Variants in MAZ observed in about 807,000 individuals in gnomAD.
The protein encoded by MAZ is myc-associated zinc finger protein.
Under a neutral mutation model 32.7 loss-of-function variants are expected in MAZ, and 4 were observed. That is an observed-to-expected ratio of 0.12 (90% CI 0.06 to 0.28). The LOEUF (loss-of-function observed/expected upper bound fraction) is 0.28, where lower values mean the gene tolerates loss of function less well. Among genes scored for constraint, MAZ ranks in the 10% least tolerant of loss-of-function variants. MAZ has a pLI of 1.00. For synonymous variants in MAZ, 510 were observed against 297.6 expected, an observed-to-expected ratio of 1.71 and a Z score of -7.35; for missense variants, 763 against 667.2, an observed-to-expected ratio of 1.14 and a Z score of -1.58.
In MAZ at chr16:29,810,099, G is replaced by GGCAGCGGCA; in HGVS notation, c.1304_1305insAGCGGCAGC (p.Ala446_Ala448dup). The GGCAGCGGCA allele has an allele frequency of 6.2e-7, 1 of 1,609,656 alleles. No individual in the cohort carries two copies. Among genetic ancestry groups the GGCAGCGGCA allele is most frequent in the Non-Finnish European group, 8.5e-7 (1 of 1,177,772 alleles). On this transcript the variant is annotated inframe_insertion, in exon 5 of 5. Transcript: ENST00000322945. ...CAGGTACTGGTGAGGTTTGTCCAAT[G>GGCAGCGGCA]GCGGCGGCAGCGGCAGCGGCGGCAG...
chr16:29,808,135 G>A, intron 2 of MAZ, 95 bp from the exon 3 acceptor site: 1 of 1,166,844 alleles, frequency 8.6e-7, no homozygotes, highest in Non-Finnish European at 1.3e-6. Context: ...GGCTCCGGGA[G>A]GAGGCGCAGG....
upstream of MAZ, chr16:29,806,236 C>A (rs1359122545): frequency 3.9e-6 from 1 of 258,736 alleles, no homozygotes; most frequent in Non-Finnish European, 6.5e-6. Flanking sequence ...TCCTGCCCGC[C>A]CTCCCTCCCG....
rs202004015 is a variant in MAZ, at chr16:29,807,655, C to T, written c.870C>T (p.Asp290=). 553 of 1,612,874 alleles carry T rather than the reference C, an allele frequency of 3.4e-4. 3 individuals carry two copies. The African/African-American group carries it at 4.4e-3, about 13-fold the overall frequency. Residue 290 remains aspartate (D), a synonymous_variant, in exon 2 of 5, where the codon GAC becomes GAT. Transcript: ENST00000322945. ...ACEMCGKAFR[D]VYHLNRHKLS... ...AGATGTGTGGCAAGGCCTTCCGCGACGTCTACCACCTGAACCGACACAAGC... is the reference window on the plus strand; with the variant it reads ...AGATGTGTGGCAAGGCCTTCCGCGATGTCTACCACCTGAACCGACACAAGC...
At position 29,810,247 on chromosome 16, in the gene MAZ, C is replaced by CG; in HGVS notation, c.*21dup. The CG allele has an allele frequency of 6.4e-7, 1 of 1,572,374 alleles. No individual in the cohort carries two copies. Among genetic ancestry groups the CG allele is most frequent in the Non-Finnish European group, 8.6e-7 (1 of 1,158,838 alleles). Reference sequence around the variant, plus strand: ...ACCCTGGTGAGCTCCAAGTTGGTTGCGGGGGAGAGGGGAGAATGGAGTAGA... The same window carrying CG: ...ACCCTGGTGAGCTCCAAGTTGGTTGCGGGGGGAGAGGGGAGAATGGAGTAGA... On this transcript the variant is annotated 3_prime_UTR_variant, in exon 5 of 5. Coordinates refer to ENST00000322945, the MANE Select transcript of MAZ (RefSeq NM_002383.4).
chr16:29,810,135 G>T lies in MAZ; in HGVS notation c.1338G>T (p.Ala446=), dbSNP rs751565808. The T allele has an allele frequency of 1.2e-6, 2 of 1,609,732 alleles. No individual in the cohort carries two copies. Among genetic ancestry groups the T allele is most frequent in the South Asian group, 1.1e-5 (1 of 90,880 alleles). Residue 446 remains alanine (A), a synonymous_variant, in exon 5 of 5, where the codon GCG becomes GCT. Coordinates refer to ENST00000322945, the MANE Select transcript of MAZ (RefSeq NM_002383.4). ...CGGCAGCGGCGGCAGCGGCAGCAGC[G>T]GCAGCAGTAGCAGCCCCTCCCACAG... ...AAAAAAAAAA[A]AAVAAPPTAV...
rs1307731539 is a variant in MAZ, at chr16:29,806,540, C to T, written c.-162C>T. 8 of 839,454 alleles carry T rather than the reference C, an allele frequency of 9.5e-6. No homozygotes were observed. The highest frequency in any genetic ancestry group is 1.9e-5 in the African/African-American group (1 of 51,782). The allele number at this position is 839,454 out of a possible 1,614,324, so 52.0% of individuals were successfully genotyped here. On this transcript the variant is annotated 5_prime_UTR_variant, in exon 1 of 5. Transcript: ENST00000322945. ...GCCCGCAAGGCGCCCTCTTTTCCTC[C>T]CTCCCGCCGGCCGGGGTGCGCGGGC...
chr16:29,809,512 C>T (rs765983867), intron 4 of MAZ: 34 of 1,472,136 alleles, frequency 2.3e-5, no homozygotes, highest in Non-Finnish European at 2.9e-5. Context: ...GGCTGACCCC[C>T]GCCCCATCCC....
chr16:29,806,801 CCT>C lies in MAZ; in HGVS notation c.102_103del (p.Gln35GlyfsTer12). The C allele has an allele frequency of 6.9e-7, 1 of 1,438,940 alleles. No individual in the cohort carries two copies. The highest frequency in any genetic ancestry group is 9.2e-7 in the Non-Finnish European group (1 of 1,089,694). 89.1% of individuals were successfully genotyped at this position (1,438,940 alleles called of 1,614,324 possible). ...VGGLMNSFPP[P>X]QGHAQNPLQV... The stretch of plus-strand genomic sequence containing the variant: ...CGGCCTCATGAACTCCTTCCCGCCA[CCT>C]CAGGGTCACGCCCAGAACCCCCTGC... On this transcript the variant is annotated frameshift_variant, in exon 1 of 5. Transcript: ENST00000322945. LOFTEE classifies it high-confidence loss of function.
Position 29,810,952 on chromosome 16 carries a change from C to A in MAZ, c.*721C>A. The A allele has an allele frequency of 2.5e-6, 1 of 408,158 alleles. No individual in the cohort carries two copies. Among genetic ancestry groups the A allele is most frequent in the Non-Finnish European group, 4.9e-6 (1 of 203,024 alleles). 25.3% of individuals were successfully genotyped at this position (408,158 alleles called of 1,614,324 possible). ...GCGAGGGGTCCAGGGCCTAGAGGTG[C>A]TTCCTGGGGGCGGGGGAATGCAGCC... On this transcript the variant is annotated 3_prime_UTR_variant, in exon 5 of 5. Transcript: ENST00000322945.
At position 29,810,144 on chromosome 16, in the gene MAZ, A is replaced by G. The variant is rs549096750; in HGVS notation, c.1347A>G (p.Val449=). Residue 449 remains valine (V), a synonymous_variant, in exon 5 of 5, where the codon GTA becomes GTG. Transcript: ENST00000322945. ...AAAAAAAAAA[V]AAPPTAVGSL... is the part of the protein sequence containing the mutation. ...CGGCAGCGGCAGCAGCGGCAGCAGT[A>G]GCAGCCCCTCCCACAGCTGTGGGCT... 3.7e-6 allele frequency: 6 copies of G among 1,606,330 alleles called. No homozygotes were observed. The highest frequency in any genetic ancestry group is 1.7e-4 in the Middle Eastern group (1 of 5,986).
chr16:29,809,494 C>A, intron 4 of MAZ: 2 of 1,259,202 alleles, frequency 1.6e-6, no homozygotes, highest in South Asian at 1.2e-5. Context: ...TCTCTGGGGT[C>A]TCCGCCTGGC....
rs1310157733 is a variant in MAZ at position 29,808,756 on chromosome 16, C to T, written c.1279+15C>T. 6.2e-7 allele frequency: 1 copy of T among 1,611,796 alleles called. No homozygotes were observed. The highest frequency in any genetic ancestry group is 1.7e-5 in the Admixed American group (1 of 59,836). On this transcript the variant is annotated intron_variant, in intron 4 of 4. Transcript: ENST00000322945. ...CTGCAACAAAGGTACATGCCGAGGG[C>T]TGCCGGGAGGGCCAGGGGCAGAGGG...
In MAZ at chr16:29,806,537, C is replaced by T. The variant is rs1899460632; in HGVS notation, c.-165C>T. On this transcript the variant is annotated 5_prime_UTR_variant, in exon 1 of 5. Coordinates refer to ENST00000322945, the MANE Select transcript of MAZ (RefSeq NM_002383.4). The stretch of plus-strand genomic sequence containing the variant: ...GCGGCCCGCAAGGCGCCCTCTTTTC[C>T]TCCCTCCCGCCGGCCGGGGTGCGCG... 1.2e-6 allele frequency: 1 copy of T among 821,596 alleles called. No homozygotes were observed. The highest frequency in any genetic ancestry group is 1.5e-6 in the Non-Finnish European group (1 of 687,644). 50.9% of individuals were successfully genotyped at this position (821,596 alleles called of 1,614,324 possible). A position where few individuals can be genotyped will look rare whatever the true frequency, so the allele number is the denominator to read the frequency against.
rs1332910838 is a variant in MAZ at position 29,810,878 on chromosome 16, C to G, written c.*647C>G. 4 of 339,048 alleles carry G rather than the reference C, an allele frequency of 1.2e-5. No homozygotes were observed. The highest frequency in any genetic ancestry group is 8.8e-5 in the African/African-American group (4 of 45,712). The allele number at this position is 339,048 out of a possible 1,614,324, so 21.0% of individuals were successfully genotyped here. ...AGTCAAGGGGAGCAGGAGGAAGAGC[C>G]AGGAGGGCCAGAGGCAGAGAAGAGA... On this transcript the variant is annotated 3_prime_UTR_variant, in exon 5 of 5. Transcript: ENST00000322945.
intron 4 of MAZ, chr16:29,809,804 G>A (rs1899808662): frequency 8.8e-7 from 1 of 1,139,940 alleles, no homozygotes; most frequent in Non-Finnish European, 1.2e-6. Context: ...GATGGGGGGT[G>A]TGGGGGACAA....
chr16:29,806,875 C>T lies in MAZ; in HGVS notation c.174C>T (p.Cys58=). Residue 58 remains cysteine (C), a synonymous_variant, in exon 1 of 5, where the codon TGC becomes TGT. Transcript: ENST00000322945. ...CCCGCTTCTTTGCCTCCCAGGGCTG[C>T]GCCCAGAGTCCATTCCAGGTGAGTA... ...LQSRFFASQG[C]AQSPFQAAPA... is the part of the protein sequence containing the mutation. 7 of 1,425,740 alleles carry T rather than the reference C, an allele frequency of 4.9e-6. No homozygotes were observed. Among genetic ancestry groups the T allele is most frequent in the South Asian group, 1.3e-5 (1 of 75,416 alleles). 88.3% of individuals were successfully genotyped at this position (1,425,740 alleles called of 1,614,324 possible).
At chr16:29,808,190 C>A in intron 2 of MAZ, 40 bp from the exon 3 acceptor site, 1 of 1,566,090 alleles carries the variant, frequency 6.4e-7, no homozygotes, top group Admixed American at 1.7e-5. Flanking sequence ...ATTTGGGGCG[C>A]ACCACCTCCG....
Position 29,807,271 on chromosome 16 carries a change from C to T in MAZ, c.486C>T (p.Thr162=), listed in dbSNP as rs780487188. 7,580 of 1,465,774 alleles carry T rather than the reference C, an allele frequency of 5.2e-3. 32 individuals are homozygous for T. Among genetic ancestry groups the T allele is most frequent in the Non-Finnish European group, 6.0e-3 (6,599 of 1,107,432 alleles). The allele number at this position is 1,465,774 out of a possible 1,614,324, so 90.8% of individuals were successfully genotyped here. Residue 162 remains threonine, a synonymous_variant, in exon 2 of 5, where the codon ACC becomes ACT. Coordinates refer to ENST00000322945, the MANE Select transcript of MAZ (RefSeq NM_002383.4). The stretch of plus-strand genomic sequence containing the variant: ...CCACTATCGCCGCGGCGGCGGCCAC[C>T]GCCGTCGTAGCCCCAACCTCGACGG... ...SAATIAAAAA[T]AVVAPTSTVA... is the part of the protein sequence containing the mutation.
chr16:29,809,305 A>C, intron 4 of MAZ: 1 of 557,352 alleles, frequency 1.8e-6, no homozygotes, highest in Non-Finnish European at 3.2e-6. Context: ...GCCATGGAGA[A>C]TGAGTTCTGT....
Sources: allele counts gnomAD v4.1 joint callset, GRCh38; gene constraint gnomAD v4.1.1; transcripts MANE v1.5; gene names NCBI Gene and HGNC (gene_info 2026-07-23, HGNC 2026-07-21).